Variants in GRIN3A observed in about 807,000 individuals in gnomAD.
GRIN3A encodes glutamate ionotropic receptor NMDA type subunit 3A.
In GRIN3A, 47 loss-of-function variants were observed where a neutral mutation model predicts 92.4. That is an observed-to-expected ratio of 0.51 (90% CI 0.40 to 0.65). The LOEUF (loss-of-function observed/expected upper bound fraction) is 0.65, where lower values mean the gene tolerates loss of function less well. Among genes scored for constraint, GRIN3A ranks in the 30% least tolerant of loss-of-function variants. The pLI is 0.00. For synonymous variants in GRIN3A, 527 were observed against 540.6 expected, an observed-to-expected ratio of 0.97 and a Z score of 0.35; for missense variants, 1,324 against 1,393.1, an observed-to-expected ratio of 0.95 and a Z score of 0.79.
chr9:101,659,586 A>G (rs893377314), intron 3 of GRIN3A, among the ~76,000 whole-genome samples: 1 of 149,994 alleles, frequency 6.7e-6, no homozygotes, highest in African/African-American at 2.4e-5. Context: ...ATTTATACAT[A>G]GAAAGTATCT....
intron 2 of GRIN3A, among the ~76,000 whole-genome samples, chr9:101,681,462 C>T (rs1426665153): frequency 6.6e-6 from 1 of 152,202 alleles, no homozygotes; most frequent in African/African-American, 2.4e-5. Flanking sequence ...AAGTTGACTA[C>T]TTTTCCAGAA....
In GRIN3A at chr9:101,670,529, G is replaced by C; in HGVS notation, c.1883C>G (p.Ala628Gly). ...GDLLRGTAHM[A>G]VTSFSINTAR... Reference sequence around the variant, plus strand: ...AGTATTGATGCTAAAGGAAGTGACTGCCATGTGGGCAGTCCCTCTCAGGAG... The same window carrying C: ...AGTATTGATGCTAAAGGAAGTGACTCCCATGTGGGCAGTCCCTCTCAGGAG... Residue 628 changes from alanine to glycine, a missense_variant, in exon 3 of 9, where the codon GCA (alanine) becomes GGA (glycine). Coordinates refer to ENST00000361820, the MANE Select transcript of GRIN3A (RefSeq NM_133445.3). 6.2e-7 allele frequency: 1 copy of C among 1,613,984 alleles called. No homozygotes were observed. Among genetic ancestry groups the C allele is most frequent in the Non-Finnish European group, 8.5e-7 (1 of 1,179,930 alleles).
intron 6 of GRIN3A, 127 bp downstream of exon 6, chr9:101,613,249 C>A (rs1482325018): frequency 5.8e-6 from 6 of 1,041,674 alleles, no homozygotes; most frequent in Admixed American, 2.0e-5. Flanking sequence ...AAAAAATAAT[C>A]CAAATATTAT....
At chr9:101,579,088 G>A (rs771810351) in intron 7 of GRIN3A, 108 bp downstream of exon 7, 13 of 1,145,320 alleles carry the variant, frequency 1.1e-5, no homozygotes, top group East Asian at 4.8e-5. Context: ...CCCCACCCTC[G>A]TTATTGTGGT....
chr9:101,647,157 A>G (rs1202447393), intron 3 of GRIN3A, among the ~76,000 whole-genome samples: 1 of 151,830 alleles, frequency 6.6e-6, no homozygotes, highest in Admixed American at 6.6e-5. Flanking sequence ...TTGTTGTTTT[A>G]AGGCATGTTC....
At chr9:101,700,067 C>A (rs1326563779) in intron 1 of GRIN3A, among the ~76,000 whole-genome samples, 1 of 152,122 alleles carries the variant, frequency 6.6e-6, no homozygotes, top group African/African-American at 2.4e-5. Flanking sequence ...TCTGTACAAC[C>A]CCCAATAACT....
intron 3 of GRIN3A, among the ~76,000 whole-genome samples, chr9:101,667,260 T>C (rs1829251910): frequency 6.6e-6 from 1 of 151,928 alleles, no homozygotes; most frequent in Admixed American, 6.6e-5. Context: ...ACAAAATAGG[T>C]ATACTTTATA....
intron 6 of GRIN3A, among the ~76,000 whole-genome samples, chr9:101,607,910 G>A (rs377183166): frequency 8.5e-5 from 13 of 152,188 alleles, no homozygotes; most frequent in African/African-American, 2.4e-4. Flanking sequence ...GGCTGTTTGC[G>A]CAGAGAAGAC....
Position 101,585,541 on chromosome 9 carries a change from C to A in GRIN3A, c.2767-6181G>T, listed in dbSNP as rs555034209. 2.0e-5 allele frequency among the ~76,000 whole-genome samples: 3 copies of A among 152,330 alleles called. No homozygotes were observed. The South Asian group carries it at 6.2e-4, about 32-fold the overall frequency. On this transcript the variant is annotated intron_variant, in intron 6 of 8. Coordinates refer to ENST00000361820, the MANE Select transcript of GRIN3A (RefSeq NM_133445.3). ...GAAACCTGCTGCTTACACAGTCTTT[C>A]TCATCACAATGAACCTCCATCCTTG...
intron 6 of GRIN3A, 24 bp from the exon 7 acceptor site, chr9:101,579,384 G>C: frequency 6.2e-7 from 1 of 1,612,842 alleles, no homozygotes; most frequent in South Asian, 1.1e-5. Context: ...GGAAAGAAAA[G>C]GCCATGAATA....
At position 101,686,589 on chromosome 9, in the gene GRIN3A, A is replaced by G; in HGVS notation, c.1304+7T>C. ...AATGGGGATATAACCGAGACCTTGC[A>G]TCCTACCTTGATAAATATTGTCCTG... On this transcript the variant is annotated splice_region_variant and intron_variant, in intron 2 of 8. Coordinates refer to ENST00000361820, the MANE Select transcript of GRIN3A (RefSeq NM_133445.3). 6.2e-7 allele frequency: 1 copy of G among 1,614,136 alleles called. No homozygotes were observed. The highest frequency in any genetic ancestry group is 1.3e-5 in the African/African-American group (1 of 75,038).
intron 1 of GRIN3A, among the ~76,000 whole-genome samples, chr9:101,703,688 T>C (rs183026663): frequency 6.6e-6 from 1 of 152,344 alleles, no homozygotes; most frequent in Admixed American, 6.5e-5. Context: ...GTATCATGCA[T>C]TAAAATTTAT....
At chr9:101,705,162 C>T (rs1829797711) in intron 1 of GRIN3A, among the ~76,000 whole-genome samples, 1 of 152,102 alleles carries the variant, frequency 6.6e-6, no homozygotes, top group Non-Finnish European at 1.5e-5. Context: ...CTCTAGCCTA[C>T]CATGCCTCTC....
At chr9:101,690,164 C>G (rs181557070) in intron 1 of GRIN3A, among the ~76,000 whole-genome samples, 390 of 152,026 alleles carry the variant, frequency 2.6e-3, no homozygotes, top group Non-Finnish European at 2.9e-3. Flanking sequence ...TTCTCATTCC[C>G]TTAAATAAGT....
intron 1 of GRIN3A, among the ~76,000 whole-genome samples, chr9:101,700,488 T>C (rs554045708): frequency 1.3e-5 from 2 of 152,324 alleles, no homozygotes; most frequent in South Asian, 4.1e-4. Context: ...TATACATGTC[T>C]GAGGCACTGG....
At chr9:101,640,831 C>T (rs1480965427) in intron 3 of GRIN3A, among the ~76,000 whole-genome samples, 1 of 151,328 alleles carries the variant, frequency 6.6e-6, no homozygotes, top group African/African-American at 2.5e-5. Context: ...CTCCTCCTTG[C>T]CTTCCACCAT....
At chr9:101,726,809 A>G (rs1347560847) in intron 1 of GRIN3A, among the ~76,000 whole-genome samples, 3 of 151,958 alleles carry the variant, frequency 2.0e-5, no homozygotes, top group Non-Finnish European at 4.4e-5. Context: ...TTTATGGGGT[A>G]CATAAGATGT....
At chr9:101,649,154 C>T (rs1323427) in intron 3 of GRIN3A, among the ~76,000 whole-genome samples, 29,334 of 151,906 alleles carry the variant, frequency 0.19, 3,206 homozygotes, top group Non-Finnish European at 0.25. Flanking sequence ...TTTCACAGTC[C>T]GGTAAAGACT....
At chr9:101,649,544 G>A (rs1322984479) in intron 3 of GRIN3A, among the ~76,000 whole-genome samples, 5 of 151,966 alleles carry the variant, frequency 3.3e-5, no homozygotes, top group African/African-American at 9.7e-5. Flanking sequence ...CAGCAACCAT[G>A]GATCTAGGGA....
Sources: gnomAD v4.1 joint callset for allele counts (sites outside exome capture counted in the v4.1 genomes callset) on GRCh38, gnomAD v4.1.1 for gene constraint, MANE v1.5 for transcripts, NCBI Gene and HGNC (gene_info 2026-07-23, HGNC 2026-07-21) for gene names.